Variants in CAMTA1 observed in about 807,000 individuals in gnomAD.
CAMTA1 encodes the protein calmodulin-binding transcription activator 1.
A neutral mutation model predicts 170.9 loss-of-function variants in CAMTA1; 27 were observed. The observed-to-expected ratio is 0.16, with a 90% confidence interval of 0.12 to 0.22. CAMTA1 has a LOEUF of 0.22. Among genes scored for constraint, CAMTA1 ranks in the 10% least tolerant of loss-of-function variants. The pLI, the probability that CAMTA1 is intolerant of heterozygous loss-of-function variation, is 1.00. For synonymous variants in CAMTA1, 833 were observed against 891.5 expected (o/e 0.93, Z 1.17); for missense variants, 1,619 against 2,217.2 (o/e 0.73, Z 5.42).
In CAMTA1 at chr1:7,333,261, C is replaced by T. The variant is rs1415529283; in HGVS notation, c.438+83635C>T. ...GACTCTCAGGTGATTATGAGCTTCC[C>T]TGTCGAGGTTGGGCTCTGCAAGCTT... On this transcript the variant is annotated intron_variant, in intron 5 of 22. Transcript: ENST00000303635. The surrounding 1 kb of genome is among the most constrained non-coding windows in gnomAD (Gnocchi z 4.4). Among the ~76,000 whole-genome samples, 4 of 152,186 alleles carry T rather than the reference C, an allele frequency of 2.6e-5. No homozygotes were observed. Among genetic ancestry groups the T allele is most frequent in the African/African-American group, 9.7e-5 (4 of 41,442 alleles).
chr1:7,328,338 A>G (rs141203647), intron 5 of CAMTA1, among the ~76,000 whole-genome samples: 152 of 117,356 alleles, frequency 1.3e-3, no homozygotes, highest in African/African-American at 5.3e-3. Flanking sequence ...CAAGCAAAAA[A>G]AAATTCTTTT....
At chr1:7,104,092 A>G (rs1643266085) in intron 4 of CAMTA1, among the ~76,000 whole-genome samples, 1 of 149,108 alleles carries the variant, frequency 6.7e-6, no homozygotes, top group Non-Finnish European at 1.5e-5. Context: ...CACACAACAC[A>G]CATACACAAC....
chr1:7,385,555 G>A (rs1311336138), intron 5 of CAMTA1, among the ~76,000 whole-genome samples: 1 of 152,170 alleles, frequency 6.6e-6, no homozygotes, highest in Non-Finnish European at 1.5e-5. Flanking sequence ...CCAGGGAAGG[G>A]CCCTTAGAGG....
intron 11 of CAMTA1, among the ~76,000 whole-genome samples, chr1:7,687,896 A>G (rs1352476978): frequency 6.6e-6 from 1 of 152,004 alleles, no homozygotes; most frequent in Non-Finnish European, 1.5e-5. Context: ...GGCCCTGACC[A>G]CTGGTTGTTG....
intron 11 of CAMTA1, chr1:7,693,841 CAG>C (rs2096345407): frequency 6.6e-6 from 1 of 152,322 alleles, no homozygotes; most frequent in Non-Finnish European, 1.5e-5. Context: ...CCAGCTCCTC[CAG>C]AGTCAGCTGA....
chr1:7,468,486 A>T (rs1279664559), intron 6 of CAMTA1, among the ~76,000 whole-genome samples: 1 of 152,228 alleles, frequency 6.6e-6, no homozygotes. Context: ...GTTTGTGCAC[A>T]GCGTTGCTGA....
chr1:7,465,068 G>A (rs181658555), intron 5 of CAMTA1, among the ~76,000 whole-genome samples: 119 of 152,334 alleles, frequency 7.8e-4, no homozygotes, highest in Middle Eastern at 3.4e-3. Flanking sequence ...CATTTTTCAA[G>A]GTTGTTTTCT....
At chr1:7,643,973 A>G (rs1275909166) in intron 7 of CAMTA1, among the ~76,000 whole-genome samples, 1 of 152,234 alleles carries the variant, frequency 6.6e-6, no homozygotes, top group Admixed American at 6.5e-5. Flanking sequence ...GGGTCACCCA[A>G]CACTGGAGCC....
At chr1:7,076,750 G>A (rs1639353625) in intron 3 of CAMTA1, among the ~76,000 whole-genome samples, 2 of 152,140 alleles carry the variant, frequency 1.3e-5, no homozygotes, top group Admixed American at 6.5e-5. Flanking sequence ...ACATAGCAGC[G>A]GGTCTTCTGA....
At chr1:7,472,482 C>T (rs181770539) in intron 6 of CAMTA1, among the ~76,000 whole-genome samples, 146 of 152,274 alleles carry the variant, frequency 9.6e-4, no homozygotes, top group African/African-American at 3.3e-3. Flanking sequence ...AAACAGCCTC[C>T]GAGAAGCTCC....
intron 2 of CAMTA1, among the ~76,000 whole-genome samples, chr1:6,820,472 T>C (rs1365380955): frequency 6.6e-6 from 1 of 152,216 alleles, no homozygotes; most frequent in Non-Finnish European, 1.5e-5. Flanking sequence ...AGGCAAAAGA[T>C]TTAATCACAC....
At chr1:7,247,127 A>G (rs1410423260) in intron 4 of CAMTA1, among the ~76,000 whole-genome samples, 1 of 152,222 alleles carries the variant, frequency 6.6e-6, no homozygotes, top group Non-Finnish European at 1.5e-5. Context: ...TGGATTAAAC[A>G]CTATTAGGTT....
intron 6 of CAMTA1, among the ~76,000 whole-genome samples, chr1:7,498,388 TGTGA>T (rs983709226): frequency 4.9e-4 from 74 of 149,864 alleles, no homozygotes; most frequent in Admixed American, 1.6e-3. Flanking sequence ...AGTGGATGTG[TGTGA>T]GTGAATGTGT....
intron 4 of CAMTA1, among the ~76,000 whole-genome samples, chr1:7,232,049 G>A (rs900542145): frequency 2.6e-5 from 4 of 152,210 alleles, no homozygotes; most frequent in Non-Finnish European, 5.9e-5. Flanking sequence ...ACCACCCATC[G>A]GAGGCTGGTT....
rs1674561430 is a variant in CAMTA1, at chr1:7,300,229, T to C, written c.438+50603T>C. Among the ~76,000 whole-genome samples the C allele has an allele frequency of 6.6e-6, 1 of 152,182 alleles. No homozygotes were observed. Among genetic ancestry groups the C allele is most frequent in the African/African-American group, 2.4e-5 (1 of 41,456 alleles). ...ACTCACTCAGAAAACATGATTTTCCTTCCTCCAAGGGTCTCCCCTAGACCC... is the reference window on the plus strand; with the variant it reads ...ACTCACTCAGAAAACATGATTTTCCCTCCTCCAAGGGTCTCCCCTAGACCC... On this transcript the variant is annotated intron_variant, in intron 5 of 22. Transcript: ENST00000303635. This position sits in a 1 kb window ranked among gnomAD's most constrained non-coding sequence, Gnocchi z 4.1.
Position 7,195,473 on chromosome 1 carries a change from G to A in CAMTA1, c.303-54018G>A, listed in dbSNP as rs1205576478. Among the ~76,000 whole-genome samples, 1 of 152,146 alleles carries A rather than the reference G, an allele frequency of 6.6e-6. No individual in the cohort carries two copies. The highest frequency in any genetic ancestry group is 1.5e-5 in the Non-Finnish European group (1 of 68,038). On this transcript the variant is annotated intron_variant, in intron 4 of 22. Transcript: ENST00000303635. The surrounding 1 kb of genome is among the most constrained non-coding windows in gnomAD (Gnocchi z 4.1). ...CTCCCCAGCTGCCCGTAGTGACCAT[G>A]GGGCACAAGCAGGGAATAGAGCTTT... is the stretch of plus-strand genomic sequence containing the variant.
chr1:7,377,258 G>A (rs1004029229), intron 5 of CAMTA1, among the ~76,000 whole-genome samples: 5 of 152,200 alleles, frequency 3.3e-5, no homozygotes, highest in South Asian at 2.1e-4. Flanking sequence ...AATTAACACC[G>A]TCCTCGCTAT....
intron 1 of CAMTA1, among the ~76,000 whole-genome samples, chr1:6,802,346 T>C (rs1643956061): frequency 6.6e-6 from 1 of 152,176 alleles, no homozygotes; most frequent in Non-Finnish European, 1.5e-5. Flanking sequence ...GACTGGGTAT[T>C]GGACTGACTC....
chr1:7,706,698 A>G (rs1014904404), intron 11 of CAMTA1, among the ~76,000 whole-genome samples: 2 of 152,238 alleles, frequency 1.3e-5, no homozygotes, highest in African/African-American at 4.8e-5. Context: ...TTAACCTAGT[A>G]GTGAAAAGAA....
Sources: allele counts gnomAD v4.1 joint callset (sites outside exome capture counted in the v4.1 genomes callset), GRCh38; gene constraint gnomAD v4.1.1; non-coding constraint Gnocchi (gnomAD v3.1); transcripts MANE v1.5; gene names NCBI Gene and HGNC (gene_info 2026-07-23, HGNC 2026-07-21).